The following CSNK2A2IP variants were observed in gnomAD, a reference collection of about 807,000 sequenced individuals.
The protein encoded by CSNK2A2IP is casein kinase 2 subunit alpha' interacting protein, also known as casein kinase II subunit alpha'-interacting protein.
the CSNK2A2IP span, among the ~76,000 whole-genome samples, chr3:88,431,816 A>T: frequency 2.0e-5 from 3 of 152,150 alleles, no homozygotes; most frequent in Non-Finnish European, 4.4e-5. Flanking sequence ...AAAGTGAAGC[A>T]AGTAAAAATG....
chr3:88,365,111 C>T, the CSNK2A2IP span, among the ~76,000 whole-genome samples: 1 of 152,096 alleles, frequency 6.6e-6, no homozygotes, highest in East Asian at 1.9e-4. Flanking sequence ...AGAGCCCACA[C>T]ACTTAATCAC....
chr3:88,387,834 T>C, the CSNK2A2IP span, among the ~76,000 whole-genome samples: 1 of 152,148 alleles, frequency 6.6e-6, no homozygotes, highest in Non-Finnish European at 1.5e-5. Context: ...CAAGGGATCC[T>C]TCTGTCTCAG....
the CSNK2A2IP span, among the ~76,000 whole-genome samples, chr3:88,426,782 A>G: frequency 6.6e-6 from 1 of 150,628 alleles, no homozygotes; most frequent in East Asian, 2.0e-4. Flanking sequence ...GTCCTATGGA[A>G]CTGTGACTCA....
At chr3:88,466,466 G>A in the CSNK2A2IP span, 2,004 of 1,231,842 alleles carry the variant, frequency 1.6e-3, 2 homozygotes, top group Admixed American at 4.5e-3. Flanking sequence ...AACATCTCAG[G>A]TCAATTATTA....
chr3:88,383,790 A>C, the CSNK2A2IP span, among the ~76,000 whole-genome samples: 1 of 151,010 alleles, frequency 6.6e-6, no homozygotes, highest in Non-Finnish European at 1.5e-5. Context: ...CAGCCTCCAG[A>C]GTAGCTGGGA....
the CSNK2A2IP span, among the ~76,000 whole-genome samples, chr3:88,413,621 A>T: frequency 6.6e-6 from 1 of 151,590 alleles, no homozygotes; most frequent in Non-Finnish European, 1.5e-5. Context: ...GTGTGTGTGT[A>T]TGTGTGTGTG....
chr3:88,381,167 A>C, the CSNK2A2IP span, among the ~76,000 whole-genome samples: 4 of 152,214 alleles, frequency 2.6e-5, no homozygotes, highest in Admixed American at 6.5e-5. Context: ...AGGGTGTGGC[A>C]GAAGGTTTGT....
chr3:88,460,722 T>C, the CSNK2A2IP span, among the ~76,000 whole-genome samples: 2 of 152,342 alleles, frequency 1.3e-5, no homozygotes, highest in South Asian at 4.1e-4. Flanking sequence ...TCCAACTCTC[T>C]ACCTCCTCAA....
chr3:88,446,046 CTTTCTTTCTTTCTT>C, the CSNK2A2IP span, among the ~76,000 whole-genome samples: 140 of 62,236 alleles, frequency 2.2e-3, 4 homozygotes, highest in Middle Eastern at 8.2e-3. Flanking sequence ...TTCTTTCTTT[CTTTCTTTCTTTCTT>C]TCTTTCTTTC....
At chr3:88,361,545 T>C in the CSNK2A2IP span, among the ~76,000 whole-genome samples, 1 of 152,196 alleles carries the variant, frequency 6.6e-6, no homozygotes, top group Admixed American at 6.5e-5. Flanking sequence ...TTTTAAAATA[T>C]TTTCTTTATC....
chr3:88,429,298 C>A, the CSNK2A2IP span, among the ~76,000 whole-genome samples: 1 of 152,200 alleles, frequency 6.6e-6, no homozygotes, highest in Admixed American at 6.5e-5. Context: ...CCTCCAGGCT[C>A]TTTCCCAGAA....
At chr3:88,413,357 A>G in the CSNK2A2IP span, among the ~76,000 whole-genome samples, 47 of 152,072 alleles carry the variant, frequency 3.1e-4, no homozygotes, top group Non-Finnish European at 4.7e-4. Flanking sequence ...AGAGAACTAA[A>G]GATTCAAATG....
chr3:88,466,565 A>G, the CSNK2A2IP span: 2 of 1,231,644 alleles, frequency 1.6e-6, no homozygotes, highest in African/African-American at 3.1e-5. Flanking sequence ...TTTTCTCCAA[A>G]GACAGAATCA....
chr3:88,369,140 C>T, the CSNK2A2IP span, among the ~76,000 whole-genome samples: 1 of 151,902 alleles, frequency 6.6e-6, no homozygotes, highest in Admixed American at 6.6e-5. Context: ...ACTGGTTAGG[C>T]AACCTATTGA....
the CSNK2A2IP span, among the ~76,000 whole-genome samples, chr3:88,352,433 A>T: frequency 6.6e-6 from 1 of 152,206 alleles, no homozygotes; most frequent in Non-Finnish European, 1.5e-5. Flanking sequence ...TATAAATTAT[A>T]GTAAAGAAAA....
the CSNK2A2IP span, among the ~76,000 whole-genome samples, chr3:88,384,341 C>T: frequency 2.0e-5 from 3 of 149,876 alleles, no homozygotes; most frequent in Admixed American, 1.3e-4. Flanking sequence ...CTCTCTCTCT[C>T]TCCTTTCTTT....
the CSNK2A2IP span, among the ~76,000 whole-genome samples, chr3:88,422,423 C>T: frequency 6.6e-6 from 1 of 152,148 alleles, no homozygotes; most frequent in East Asian, 1.9e-4. Flanking sequence ...TATATTCAGA[C>T]ATTTAAAAAG....
At chr3:88,405,784 T>G in the CSNK2A2IP span, among the ~76,000 whole-genome samples, 1 of 152,214 alleles carries the variant, frequency 6.6e-6, no homozygotes, top group Non-Finnish European at 1.5e-5. Context: ...TTTCCCTGAT[T>G]TGTCCTAGGC....
the CSNK2A2IP span, among the ~76,000 whole-genome samples, chr3:88,458,141 G>GGTT: frequency 1.2e-5 from 1 of 83,304 alleles, no homozygotes; most frequent in Non-Finnish European, 2.2e-5. Flanking sequence ...TGTAATTGTG[G>GGTT]TTTTTTTTTT....
Sources: gnomAD v4.1 joint callset for allele counts (sites outside exome capture counted in the v4.1 genomes callset) on GRCh38, gnomAD v4.1.1 for gene constraint, MANE v1.5 for transcripts, NCBI Gene and HGNC (gene_info 2026-07-23, HGNC 2026-07-21) for gene names.